CWC27: variants seen among roughly 807,000 people sequenced by gnomAD.
CWC27 encodes the protein spliceosome-associated protein CWC27 homolog.
A neutral mutation model predicts 63.6 loss-of-function variants in CWC27; 47 were observed. The observed-to-expected ratio is 0.74, with a 90% CI of 0.58 to 0.94. The LOEUF (loss-of-function observed/expected upper bound fraction) is 0.94, where lower values mean the gene tolerates loss of function less well. Ranked by LOEUF, CWC27 falls within the 40% of genes least tolerant of loss-of-function variation. CWC27 has a pLI of 0.00. For missense variants in CWC27, 495 were observed against 554.3 expected (o/e 0.89, Z 1.07); for synonymous variants, 175 against 179.8 (o/e 0.97, Z 0.22).
At chr5:64,831,878 T>C (rs750776174) in intron 10 of CWC27, among the ~76,000 whole-genome samples, 53 of 152,010 alleles carry the variant, frequency 3.5e-4, no homozygotes, top group Non-Finnish European at 4.0e-4. Context: ...TGGATTCCTA[T>C]ATCTGCCTCT....
intron 11 of CWC27, among the ~76,000 whole-genome samples, chr5:64,885,749 T>C (rs1003653180): frequency 8.5e-5 from 7 of 82,840 alleles, no homozygotes; most frequent in Non-Finnish European, 1.7e-4. Context: ...TTTTAATACT[T>C]TCTTTGAACA....
At position 65,018,201 on chromosome 5, in the gene CWC27, G is replaced by T; in HGVS notation, c.1299G>T (p.Val433=). 1 of 1,606,616 alleles carries T rather than the reference G, an allele frequency of 6.2e-7. No individual in the cohort carries two copies. The highest frequency in any genetic ancestry group is 8.5e-7 in the Non-Finnish European group (1 of 1,177,768). Residue 433 remains valine (V), a synonymous_variant, in exon 14 of 14, where the codon GTG becomes GTT. Transcript: ENST00000381070. The part of the protein sequence containing the change: ...VLQFEDKSRK[V]KDASMQDSDT... ...AGTTTGAGGATAAAAGCAGAAAAGT[G>T]AAAGATGCAAGCATGCAAGACTCAG...
chr5:64,955,755 AAC>A (rs1276680400), intron 11 of CWC27, among the ~76,000 whole-genome samples: 1 of 152,204 alleles, frequency 6.6e-6, no homozygotes, highest in East Asian at 1.9e-4. Flanking sequence ...TCAAGAGTGA[AAC>A]ACAGTCAGAA....
chr5:64,821,199 C>T (rs1745188138), intron 10 of CWC27, among the ~76,000 whole-genome samples: 2 of 151,580 alleles, frequency 1.3e-5, no homozygotes, highest in South Asian at 4.2e-4. Context: ...ATTCTCCTGC[C>T]TCAGCCTCCC....
At chr5:64,912,562 A>C (rs1283715166) in intron 11 of CWC27, among the ~76,000 whole-genome samples, 1 of 152,222 alleles carries the variant, frequency 6.6e-6, no homozygotes, top group Non-Finnish European at 1.5e-5. Context: ...AGAAAAAAAA[A>C]TGCATGTAGT....
At chr5:65,012,388 C>G (rs574166147) in intron 13 of CWC27, among the ~76,000 whole-genome samples, 1 of 152,312 alleles carries the variant, frequency 6.6e-6, no homozygotes, top group South Asian at 2.1e-4. Flanking sequence ...AAAGATGCTA[C>G]CAGACAACAT....
intron 11 of CWC27, among the ~76,000 whole-genome samples, chr5:64,925,700 G>A (rs1188974002): frequency 6.6e-6 from 1 of 152,174 alleles, no homozygotes; most frequent in Non-Finnish European, 1.5e-5. Flanking sequence ...ATGATTTTCA[G>A]AAGGATTAAA....
chr5:64,885,398 A>T, intron 10 of CWC27, 45 bp from the exon 11 acceptor site: 5 of 1,284,360 alleles, frequency 3.9e-6, no homozygotes, highest in Non-Finnish European at 5.4e-6. Context: ...AACAACTTTT[A>T]CTCTCAATAT....
intron 13 of CWC27, among the ~76,000 whole-genome samples, chr5:64,993,983 A>C (rs894944435): frequency 1.4e-4 from 22 of 152,220 alleles, no homozygotes; most frequent in Non-Finnish European, 2.6e-4. Context: ...TAATTTCTAC[A>C]TAGTTGTCTG....
intron 10 of CWC27, among the ~76,000 whole-genome samples, chr5:64,880,348 C>G (rs961246664): frequency 2.0e-5 from 3 of 151,992 alleles, no homozygotes; most frequent in Non-Finnish European, 4.4e-5. Context: ...ATTTCTAGCT[C>G]TGTCACTTAC....
chr5:64,805,634 A>G (rs1430253744), intron 10 of CWC27, among the ~76,000 whole-genome samples: 1 of 151,960 alleles, frequency 6.6e-6, no homozygotes, highest in East Asian at 1.9e-4. Flanking sequence ...CCAACCAAAT[A>G]TTTATTTATG....
At chr5:64,775,014 A>G (rs1743393060) in intron 2 of CWC27, among the ~76,000 whole-genome samples, 1 of 152,172 alleles carries the variant, frequency 6.6e-6, no homozygotes, top group African/African-American at 2.4e-5. Context: ...AACAAATAAT[A>G]CTGTGATCCT....
intron 6 of CWC27, among the ~76,000 whole-genome samples, 164 bp downstream of exon 6, chr5:64,786,791 C>T (rs1743901916): frequency 6.6e-6 from 1 of 152,090 alleles, no homozygotes; most frequent in South Asian, 2.1e-4. Context: ...TTCATTTTTA[C>T]ACTGCTATAA....
rs917885699 is a variant in CWC27 at position 64,816,163 on chromosome 5, T to C, written c.938+11777T>C. Reference sequence around the variant, plus strand: ...TGCAGTTGAGTTCTTCAGAAGTAAATTGACTGGATTTCTGTGTCCAAAATC... The same window carrying C: ...TGCAGTTGAGTTCTTCAGAAGTAAACTGACTGGATTTCTGTGTCCAAAATC... On this transcript the variant is annotated intron_variant, in intron 10 of 13. Coordinates refer to ENST00000381070, the MANE Select transcript of CWC27 (RefSeq NM_005869.4). Among the ~76,000 whole-genome samples, 11 of 152,170 alleles carry C rather than the reference T, an allele frequency of 7.2e-5. No individual in the cohort carries two copies. In the East Asian group the frequency reaches 2.1e-3, roughly 29 times the overall value.
chr5:65,007,972 C>T (rs1234525870), intron 13 of CWC27, among the ~76,000 whole-genome samples: 1 of 152,126 alleles, frequency 6.6e-6, no homozygotes, highest in Non-Finnish European at 1.5e-5. Context: ...GATTGCTGTC[C>T]CACCCTTATG....
chr5:65,005,315 G>A (rs1332175893), intron 13 of CWC27, among the ~76,000 whole-genome samples: 1 of 152,116 alleles, frequency 6.6e-6, no homozygotes, highest in Middle Eastern at 3.2e-3. Context: ...TGCAGGCACT[G>A]ACGGTGGCAG....
chr5:64,824,728 C>CTTTTTTTTTT (rs768576527), intron 10 of CWC27, among the ~76,000 whole-genome samples: 3 of 91,980 alleles, frequency 3.3e-5, no homozygotes, highest in African/African-American at 1.3e-4. Context: ...TTTCTTTTCT[C>CTTTTTTTTTT]TTTTTTTTTT....
chr5:64,984,238 A>T (rs2112452634), intron 13 of CWC27, among the ~76,000 whole-genome samples: 1 of 152,278 alleles, frequency 6.6e-6, no homozygotes, highest in African/African-American at 2.4e-5. Context: ...TGGGGTAGGT[A>T]TTATTTATTA....
chr5:64,886,138 T>C (rs1263526967), intron 11 of CWC27, among the ~76,000 whole-genome samples: 3 of 152,252 alleles, frequency 2.0e-5, no homozygotes, highest in East Asian at 3.9e-4. Context: ...CAAAATAACA[T>C]CTTGCTGTTT....
Sources: allele counts gnomAD v4.1 joint callset (sites outside exome capture counted in the v4.1 genomes callset), GRCh38; gene constraint gnomAD v4.1.1; transcripts MANE v1.5; gene names NCBI Gene and HGNC (gene_info 2026-07-23, HGNC 2026-07-21).